Variants in RNLS observed in about 807,000 individuals in gnomAD.
RNLS encodes the protein renalase, FAD dependent amine oxidase.
In RNLS, 39 loss-of-function variants were observed where a neutral mutation model predicts 39.8. The ratio of observed to expected loss-of-function variants is 0.98; its 90% CI spans 0.76 to 1.28. RNLS has a LOEUF of 1.28. RNLS is among the 50% of genes most tolerant of loss of function. The pLI is 0.00. For synonymous variants in RNLS, 147 were observed against 150.7 expected (o/e 0.98, Z 0.18); for missense variants, 410 against 413.3 (o/e 0.99, Z 0.07).
At chr10:88,489,227 A>G (rs1844748868) in intron 4 of RNLS, among the ~76,000 whole-genome samples, 1 of 152,186 alleles carries the variant, frequency 6.6e-6, no homozygotes, top group South Asian at 2.1e-4. Flanking sequence ...GCCAAAGTAA[A>G]GTTATTAATT....
the RNLS span, among the ~76,000 whole-genome samples, chr10:88,201,847 C>G: frequency 6.6e-6 from 1 of 152,166 alleles, no homozygotes; most frequent in Non-Finnish European, 1.5e-5. Flanking sequence ...AGCTACTTGT[C>G]TTACAGCTAG....
chr10:88,261,907 C>A, the RNLS span, among the ~76,000 whole-genome samples: 1 of 152,138 alleles, frequency 6.6e-6, no homozygotes, highest in African/African-American at 2.4e-5. Context: ...TCAATGTAAT[C>A]TTTTAGATGG....
intron 4 of RNLS, among the ~76,000 whole-genome samples, chr10:88,430,537 T>C (rs556541981): frequency 6.6e-6 from 1 of 151,950 alleles, no homozygotes; most frequent in African/African-American, 2.4e-5. Flanking sequence ...TGAACAAAAG[T>C]AGTAACAGCA....
chr10:88,492,628 AG>A (rs1844953392), intron 4 of RNLS, among the ~76,000 whole-genome samples: 1 of 152,064 alleles, frequency 6.6e-6, no homozygotes, highest in African/African-American at 2.4e-5. Context: ...TCTGTTGGCC[AG>A]GCTGGTCTCA....
At chr10:88,476,422 A>G (rs1313986417) in intron 4 of RNLS, among the ~76,000 whole-genome samples, 3 of 152,184 alleles carry the variant, frequency 2.0e-5, no homozygotes, top group Admixed American at 6.6e-5. Context: ...GCACTGGTCC[A>G]TGGACCACAC....
intron 4 of RNLS, among the ~76,000 whole-genome samples, chr10:88,442,106 A>T (rs941189959): frequency 1.3e-5 from 2 of 152,190 alleles, no homozygotes; most frequent in African/African-American, 4.8e-5. Context: ...AGAGACAGGG[A>T]TCCTCATAGG....
intron 4 of RNLS, among the ~76,000 whole-genome samples, chr10:88,404,832 G>A (rs1459489424): frequency 6.6e-6 from 1 of 152,044 alleles, no homozygotes; most frequent in Non-Finnish European, 1.5e-5. Context: ...TGGCAGGCAT[G>A]AACCTGTCAA....
intron 5 of RNLS, among the ~76,000 whole-genome samples, chr10:88,344,020 T>C (rs143212769): frequency 6.6e-6 from 1 of 152,136 alleles, no homozygotes; most frequent in African/African-American, 2.4e-5. Context: ...CCACCCCTTA[T>C]TATACATTGT....
the RNLS span, among the ~76,000 whole-genome samples, chr10:88,261,706 T>C: frequency 6.6e-6 from 1 of 152,210 alleles, no homozygotes; most frequent in Non-Finnish European, 1.5e-5. Flanking sequence ...TGTTAATTAT[T>C]ATTGTTATGA....
At chr10:88,277,240 C>T (rs1183003687) in intron 6 of RNLS, among the ~76,000 whole-genome samples, 3 of 151,980 alleles carry the variant, frequency 2.0e-5, no homozygotes, top group Non-Finnish European at 4.4e-5. Flanking sequence ...AAACCAAACA[C>T]TGCATGTTCT....
At chr10:88,410,013 G>A (rs548224296) in intron 4 of RNLS, among the ~76,000 whole-genome samples, 4 of 152,222 alleles carry the variant, frequency 2.6e-5, no homozygotes, top group Non-Finnish European at 1.5e-5. Context: ...AGCAGCCACA[G>A]ACAATGTGTA....
intron 4 of RNLS, among the ~76,000 whole-genome samples, chr10:88,566,976 T>C (rs927461302): frequency 6.6e-6 from 1 of 151,820 alleles, no homozygotes; most frequent in Non-Finnish European, 1.5e-5. Context: ...TAAAGTAAAA[T>C]ATCCCTGAAA....
At chr10:88,388,771 C>G (rs1852017211) in intron 4 of RNLS, among the ~76,000 whole-genome samples, 2 of 152,036 alleles carry the variant, frequency 1.3e-5, no homozygotes, top group Admixed American at 1.3e-4. Context: ...TATATGACTT[C>G]CCCCTACTAG....
At chr10:88,416,015 G>A (rs1250383185) in intron 4 of RNLS, among the ~76,000 whole-genome samples, 1 of 152,012 alleles carries the variant, frequency 6.6e-6, no homozygotes, top group African/African-American at 2.4e-5. Context: ...GCATGACAAA[G>A]CCTATTTCTG....
At chr10:88,559,811 CA>C (rs1017422799) in intron 4 of RNLS, among the ~76,000 whole-genome samples, 3 of 151,994 alleles carry the variant, frequency 2.0e-5, no homozygotes, top group African/African-American at 7.2e-5. Context: ...ACACACATTG[CA>C]CAATGGATTA....
intron 5 of RNLS, among the ~76,000 whole-genome samples, chr10:88,349,702 C>A (rs765562862): frequency 6.6e-6 from 1 of 151,438 alleles, no homozygotes; most frequent in African/African-American, 2.4e-5. Flanking sequence ...TTTATTTTTA[C>A]GTATGTATAT....
At chr10:88,326,152 G>A (rs1187822206) in intron 5 of RNLS, among the ~76,000 whole-genome samples, 1 of 152,222 alleles carries the variant, frequency 6.6e-6, no homozygotes, top group Non-Finnish European at 1.5e-5. Context: ...ACCTCAGAGA[G>A]TGGGGTATTG....
intron 4 of RNLS, among the ~76,000 whole-genome samples, chr10:88,396,450 T>C (rs974679963): frequency 2.0e-5 from 3 of 151,428 alleles, no homozygotes; most frequent in Non-Finnish European, 4.4e-5. Context: ...CCAGGTTGAC[T>C]ACTAATAAAA....
At chr10:88,371,332 G>T (rs944255808) in intron 4 of RNLS, among the ~76,000 whole-genome samples, 9 of 152,026 alleles carry the variant, frequency 5.9e-5, no homozygotes, top group African/African-American at 2.2e-4. Context: ...TTTTAAAAAA[G>T]CCTTTAGAGG....
Sources: allele counts gnomAD v4.1 joint callset (sites outside exome capture counted in the v4.1 genomes callset), GRCh38; gene constraint gnomAD v4.1.1; transcripts MANE v1.5; gene names NCBI Gene and HGNC (gene_info 2026-07-23, HGNC 2026-07-21).